The following NKAPD1 variants were observed in gnomAD, a reference collection of about 807,000 sequenced individuals.
NKAPD1 encodes NKAP domain containing 1, also known as uncharacterized protein NKAPD1.
A neutral mutation model predicts 30.9 loss-of-function variants in NKAPD1; 12 were observed. That is an observed-to-expected ratio of 0.39 (90% confidence interval 0.25 to 0.63). The LOEUF is 0.63. NKAPD1 is among the 20% of genes least tolerant of loss of function. The pLI is 0.51. For missense variants in NKAPD1, 311 were observed against 344.5 expected, an observed-to-expected ratio of 0.90 and a Z score of 0.77; for synonymous variants, 91 against 113.6, an observed-to-expected ratio of 0.80 and a Z score of 1.26.
At chr11:112,082,189 A>G in intron 5 of NKAPD1, 154 bp downstream of exon 5, 1 of 744,652 alleles carries the variant, frequency 1.3e-6, no homozygotes, top group South Asian at 1.9e-5. Flanking sequence ...CTGTTTTCCC[A>G]TTCTCTGGTT....
chr11:112,082,203 G>A, intron 5 of NKAPD1, 168 bp downstream of exon 5: 1 of 712,716 alleles, frequency 1.4e-6, no homozygotes, highest in Non-Finnish European at 2.3e-6. Flanking sequence ...TCTGGTTGAT[G>A]TTTGGCATGT....
chr11:112,075,761 C>A, intron 2 of NKAPD1, 118 bp downstream of exon 2: 2 of 942,854 alleles, frequency 2.1e-6, no homozygotes, highest in Non-Finnish European at 3.2e-6. Flanking sequence ...TTTTTGGAAG[C>A]TTCCGTACAC....
chr11:112,079,506 CAG>C (rs1004814311), intron 3 of NKAPD1, among the ~76,000 whole-genome samples: 4 of 152,124 alleles, frequency 2.6e-5, no homozygotes, highest in African/African-American at 9.7e-5. Context: ...AAATGGTAAA[CAG>C]AAGCTGGATC....
rs375809141 is a variant in NKAPD1, at chr11:112,075,443, T to C, written c.-8-124T>C. ...TAATGGTAAAGGGAAAACTATTCTT[T>C]AGAATCTCTGACTTCTAGTTCAGTG... On this transcript the variant is annotated intron_variant, in intron 1 of 5. Coordinates refer to ENST00000393047, the MANE Select transcript of NKAPD1 (RefSeq NM_018195.4). 32 of 684,540 alleles carry C rather than the reference T, an allele frequency of 4.7e-5. 1 individual carries two copies. The East Asian group carries it at 6.1e-4, about 13-fold the overall frequency. The allele number at this position is 684,540 out of a possible 1,614,324, so 42.4% of individuals were successfully genotyped here. A position where few individuals can be genotyped will look rare whatever the true frequency, so the allele number is the denominator to read the frequency against.
rs749552454 is a variant in NKAPD1 at position 112,082,582 on chromosome 11, A to G, written c.492A>G (p.Lys164=). 6 of 1,613,330 alleles carry G rather than the reference A, an allele frequency of 3.7e-6. No individual in the cohort carries two copies. Among genetic ancestry groups the G allele is most frequent in the Non-Finnish European group, 1.7e-6 (2 of 1,179,940 alleles). Residue 164 remains lysine, a synonymous_variant, in exon 6 of 6, where the codon AAA becomes AAG. Transcript: ENST00000393047. ...SKKSHKKKQK[K]RSHKKQKKSK... is the part of the protein sequence containing the mutation. The stretch of plus-strand genomic sequence containing the variant: ...AATCCCACAAAAAAAAGCAGAAAAA[A>G]AGGTCACACAAAAAACAGAAGAAAA...
At chr11:112,079,826 T>C (rs1478168072) in intron 3 of NKAPD1, among the ~76,000 whole-genome samples, 1 of 151,846 alleles carries the variant, frequency 6.6e-6, no homozygotes, top group African/African-American at 2.4e-5. Context: ...TTTTTTTTTT[T>C]CCTGAGACGG....
chr11:112,078,174 T>G, intron 2 of NKAPD1, 41 bp from the exon 3 acceptor site: 1 of 1,461,640 alleles, frequency 6.8e-7, no homozygotes, highest in East Asian at 2.5e-5. Flanking sequence ...TGTAAAGTTA[T>G]TTTTAGTAAC....
In NKAPD1 at chr11:112,080,556, C is replaced by T; in HGVS notation, c.318C>T (p.Asp106=). 1 of 1,613,190 alleles carries T rather than the reference C, an allele frequency of 6.2e-7. No homozygotes were observed. Among genetic ancestry groups the T allele is most frequent in the Non-Finnish European group, 8.5e-7 (1 of 1,179,902 alleles). The change falls in exon 4 of 6, where the codon GAC becomes GAT. Residue 106 remains aspartate (D), a splice_region_variant and synonymous_variant. Transcript: ENST00000393047. ...ATGATTATGAAGCAAACATGCCAGA[C>T]AGGTTTGTGATTAATTCCTGTGAGC... ...KFYDYEANMP[D]RWGHSGYKEL... is the part of the protein sequence containing the mutation.
chr11:112,079,719 G>A (rs989347980), intron 3 of NKAPD1, among the ~76,000 whole-genome samples: 2 of 152,164 alleles, frequency 1.3e-5, no homozygotes, highest in African/African-American at 4.8e-5. Context: ...GAGAATCAGC[G>A]AGTGAACTAT....
rs1865555847 is a variant in NKAPD1 at position 112,084,973 on chromosome 11, C to T, written c.*2001C>T. ...GTGGTTTTTCAAAACCTACAATCCC[C>T]CATTTGCACTACTGGCCATGGAACA... On this transcript the variant is annotated 3_prime_UTR_variant, in exon 6 of 6. Coordinates refer to ENST00000393047, the MANE Select transcript of NKAPD1 (RefSeq NM_018195.4). 3 of 201,986 alleles carry T rather than the reference C, an allele frequency of 1.5e-5. No individual in the cohort carries two copies. The highest frequency in any genetic ancestry group is 2.3e-5 in the African/African-American group (1 of 43,328). 12.5% of individuals were successfully genotyped at this position (201,986 alleles called of 1,614,324 possible).
Position 112,074,762 on chromosome 11 carries a change from C to G in NKAPD1, c.-163C>G, listed in dbSNP as rs1865275346. ...TGGGCCACAGGTGAGGGCAGAGTAACCAGTGGGAAGGCTGCGTTTTCACGA... is the reference window on the plus strand; with the variant it reads ...TGGGCCACAGGTGAGGGCAGAGTAAGCAGTGGGAAGGCTGCGTTTTCACGA... On this transcript the variant is annotated 5_prime_UTR_variant, in exon 1 of 6. Coordinates refer to ENST00000393047, the MANE Select transcript of NKAPD1 (RefSeq NM_018195.4). 8.6e-6 allele frequency: 3 copies of G among 347,510 alleles called. No individual in the cohort carries two copies. In the South Asian group the frequency reaches 4.6e-4, roughly 53 times the overall value. 21.5% of individuals were successfully genotyped at this position (347,510 alleles called of 1,614,324 possible). A position where few individuals can be genotyped will look rare whatever the true frequency, so the allele number is the denominator to read the frequency against.
intron 3 of NKAPD1, 115 bp from the exon 4 acceptor site, chr11:112,080,294 T>C: frequency 1.1e-6 from 1 of 872,742 alleles, no homozygotes; most frequent in South Asian, 1.6e-5. Context: ...TTTTAAACAG[T>C]ATCATGTTGT....
rs918678663 is a variant in NKAPD1 at position 112,084,067 on chromosome 11, A to G, written c.*1095A>G. On this transcript the variant is annotated 3_prime_UTR_variant, in exon 6 of 6. Coordinates refer to ENST00000393047, the MANE Select transcript of NKAPD1 (RefSeq NM_018195.4). The stretch of plus-strand genomic sequence containing the variant: ...GTGCATTTTTTCACTGTGGGAAGAA[A>G]GATCAAGTGACGTATTATTTTTTCC... 4 of 152,654 alleles carry G rather than the reference A, an allele frequency of 2.6e-5. No individual in the cohort carries two copies. The highest frequency in any genetic ancestry group is 7.2e-5 in the African/African-American group (3 of 41,456). The allele number at this position is 152,654 out of a possible 1,614,324, so 9.5% of individuals were successfully genotyped here.
chr11:112,079,668 A>G (rs534354929), intron 3 of NKAPD1, among the ~76,000 whole-genome samples: 1 of 152,254 alleles, frequency 6.6e-6, no homozygotes, highest in Admixed American at 6.5e-5. Flanking sequence ...GTCCCTTGCT[A>G]TGATTATGTT....
intron 4 of NKAPD1, 137 bp from the exon 5 acceptor site, chr11:112,081,845 G>T (rs1480703813): frequency 2.9e-6 from 2 of 682,154 alleles, no homozygotes; most frequent in Non-Finnish European, 5.3e-6. Context: ...GAGCTATAAT[G>T]GGGGCTTGGT....
chr11:112,077,694 A>G (rs879646556), intron 2 of NKAPD1, among the ~76,000 whole-genome samples: 2 of 152,174 alleles, frequency 1.3e-5, no homozygotes, highest in Non-Finnish European at 2.9e-5. Flanking sequence ...TAAAAATTCT[A>G]TTGGGGAAGA....
At chr11:112,080,019 C>T (rs1865412150) in intron 3 of NKAPD1, among the ~76,000 whole-genome samples, 2 of 151,856 alleles carry the variant, frequency 1.3e-5, no homozygotes, top group African/African-American at 2.4e-5. Context: ...TTCACCATGT[C>T]CCCCAGGCTG....
At chr11:112,080,269 CTT>C (rs571411828) in intron 3 of NKAPD1, 138 bp from the exon 4 acceptor site, 8,681 of 578,530 alleles carry the variant, frequency 0.015, no homozygotes, top group East Asian at 0.02. Flanking sequence ...ATGTCTTTGC[CTT>C]TTTTTTTTTT....
Position 112,084,949 on chromosome 11 carries a change from T to C in NKAPD1, c.*1977T>C, listed in dbSNP as rs1417199134. ...CCAACCCCCTTAATATGGCTTAGGG[T>C]GGTTTTTCAAAACCTACAATCCCCC... is the stretch of plus-strand genomic sequence containing the variant. On this transcript the variant is annotated 3_prime_UTR_variant, in exon 6 of 6. Transcript: ENST00000393047. The C allele has an allele frequency of 5.5e-6, 1 of 181,064 alleles. No homozygotes were observed. Among genetic ancestry groups the C allele is most frequent in the East Asian group, 1.4e-4 (1 of 7,078 alleles). 11.2% of individuals were successfully genotyped at this position (181,064 alleles called of 1,614,324 possible). A position where few individuals can be genotyped will look rare whatever the true frequency, so the allele number is the denominator to read the frequency against.
Sources: allele counts gnomAD v4.1 joint callset (sites outside exome capture counted in the v4.1 genomes callset), GRCh38; gene constraint gnomAD v4.1.1; transcripts MANE v1.5; gene names NCBI Gene and HGNC (gene_info 2026-07-23, HGNC 2026-07-21).